ACO2: variants seen among roughly 807,000 people sequenced by gnomAD.
ACO2 encodes aconitate hydratase, mitochondrial.
ACO2 carries 31 observed loss-of-function variants against 84.5 expected under a neutral mutation model. The ratio of observed to expected loss-of-function variants is 0.37; its 90% CI spans 0.28 to 0.50. The LOEUF (loss-of-function observed/expected upper bound fraction) is 0.50, where lower values mean the gene tolerates loss of function less well. Ranked by LOEUF, ACO2 falls within the 20% of genes least tolerant of loss-of-function variation. The pLI is 0.97. For missense variants in ACO2, 685 were observed against 1,029.3 expected (o/e 0.67, Z 4.58); for synonymous variants, 414 against 412.7 (o/e 1.00, Z -0.04).
At chr22:41,499,943 T>C in intron 2 of ACO2, 81 bp downstream of exon 2, 1 of 1,553,552 alleles carries the variant, frequency 6.4e-7, no homozygotes, top group Non-Finnish European at 8.8e-7. Flanking sequence ...GGAGGTGTTT[T>C]GTGAAGGATG....
At chr22:41,483,882 G>T (rs1009613657) in intron 1 of ACO2, among the ~76,000 whole-genome samples, 2 of 152,108 alleles carry the variant, frequency 1.3e-5, no homozygotes, top group Non-Finnish European at 2.9e-5. Flanking sequence ...GAGGAGGACA[G>T]GATATTCTAA....
At chr22:41,494,702 C>T (rs1257230031) in intron 1 of ACO2, among the ~76,000 whole-genome samples, 5 of 151,596 alleles carry the variant, frequency 3.3e-5, no homozygotes, top group Non-Finnish European at 5.9e-5. Context: ...TGAGCCACTG[C>T]GCCAGGCTGT....
chr22:41,516,133 C>T (rs1156815889), intron 6 of ACO2: 5 of 675,188 alleles, frequency 7.4e-6, no homozygotes, highest in South Asian at 7.1e-5. Flanking sequence ...AGATACCTGT[C>T]GAGGCTGCCG....
chr22:41,495,778 G>A (rs535195750), intron 1 of ACO2, among the ~76,000 whole-genome samples: 3 of 151,322 alleles, frequency 2.0e-5, no homozygotes, highest in East Asian at 2.0e-4. Flanking sequence ...CCGCCACCAC[G>A]CCGTAGTAGA....
chr22:41,498,197 A>G (rs2146104459), intron 1 of ACO2, among the ~76,000 whole-genome samples: 2 of 152,286 alleles, frequency 1.3e-5, no homozygotes, highest in East Asian at 3.9e-4. Flanking sequence ...CTGTAGTCCC[A>G]GCTACCGAGG....
Position 41,527,824 on chromosome 22 carries a change from A to G in ACO2, c.2087-77A>G, listed in dbSNP as rs971442255. ...CAGCAGGATTAGGGGCATCTCCCAG[A>G]GCCCCAGATGGGTTCAGAAAATGAA... is the stretch of plus-strand genomic sequence containing the variant. On this transcript the variant is annotated intron_variant, in intron 16 of 17. Coordinates refer to ENST00000216254, the MANE Select transcript of ACO2 (RefSeq NM_001098.3). 16 of 1,605,878 alleles carry G rather than the reference A, an allele frequency of 1.0e-5. No homozygotes were observed. In the African/African-American group the frequency reaches 2.1e-4, roughly 22 times the overall value.
intron 6 of ACO2, 125 bp downstream of exon 6, chr22:41,516,042 A>T: frequency 7.6e-7 from 1 of 1,308,748 alleles, no homozygotes; most frequent in Non-Finnish European, 1.1e-6. Flanking sequence ...GGGACTTGGG[A>T]TAGACAGAGG....
intron 9 of ACO2, among the ~76,000 whole-genome samples, chr22:41,520,551 T>TG (rs1433698820): frequency 6.6e-6 from 1 of 151,066 alleles, no homozygotes; most frequent in African/African-American, 2.4e-5. Context: ...TAAAAGAAAA[T>TG]GCAAAAATTG....
intron 16 of ACO2, 180 bp from the exon 17 acceptor site, chr22:41,527,721 C>A: frequency 1.0e-6 from 1 of 1,002,534 alleles, no homozygotes; most frequent in Non-Finnish European, 1.4e-6. Context: ...TCAGCACCAG[C>A]GCACACTTGC....
Position 41,523,825 on chromosome 22 carries a change from G to A in ACO2, c.1371-5G>A. ...TCCCTAACCCTGATCCCTCTGACCTGGCAGGAAGGACATCAAGAAGGGGGA... is the reference window on the plus strand; with the variant it reads ...TCCCTAACCCTGATCCCTCTGACCTAGCAGGAAGGACATCAAGAAGGGGGA... On this transcript the variant is annotated splice_polypyrimidine_tract_variant and splice_region_variant and intron_variant, in intron 11 of 17. Transcript: ENST00000216254. The A allele has an allele frequency of 6.2e-7, 1 of 1,611,334 alleles. No individual in the cohort carries two copies. The highest frequency in any genetic ancestry group is 1.1e-5 in the South Asian group (1 of 90,980).
At chr22:41,486,167 T>G (rs2038152110) in intron 1 of ACO2, among the ~76,000 whole-genome samples, 1 of 152,216 alleles carries the variant, frequency 6.6e-6, no homozygotes, top group Non-Finnish European at 1.5e-5. Context: ...TTCCTGATCT[T>G]GGCTAGACTG....
chr22:41,517,252 G>C, intron 6 of ACO2: 1 of 435,052 alleles, frequency 2.3e-6, no homozygotes, highest in South Asian at 2.2e-5. Flanking sequence ...GCAGCTCAGT[G>C]TGTGGGGGCT....
At chr22:41,524,997 T>C in intron 13 of ACO2, 29 bp downstream of exon 13, 1 of 1,614,084 alleles carries the variant, frequency 6.2e-7, no homozygotes, top group Non-Finnish European at 8.5e-7. Context: ...TGCTTGCTGG[T>C]TGCTGTGTGG....
intron 16 of ACO2, 66 bp from the exon 17 acceptor site, chr22:41,527,835 G>A: frequency 1.2e-6 from 2 of 1,612,080 alleles, no homozygotes; most frequent in Non-Finnish European, 1.7e-6. Context: ...GCCCCAGATG[G>A]GTTCAGAAAA....
At chr22:41,527,047 T>G in intron 15 of ACO2, 1 of 592,808 alleles carries the variant, frequency 1.7e-6, no homozygotes, top group Non-Finnish European at 3.0e-6. Context: ...ATGGGTGGCT[T>G]CTGTCTTCTT....
chr22:41,477,740 C>T (rs1158589339), intron 1 of ACO2, among the ~76,000 whole-genome samples: 3 of 152,016 alleles, frequency 2.0e-5, no homozygotes, highest in South Asian at 4.1e-4. Context: ...CATCCATCAC[C>T]CCAGCCTTTA....
At chr22:41,514,393 C>G (rs762699144) in intron 4 of ACO2, among the ~76,000 whole-genome samples, 4 of 152,246 alleles carry the variant, frequency 2.6e-5, no homozygotes, top group Admixed American at 1.3e-4. Context: ...TGGACAGGAT[C>G]TCATCCAGTC....
intron 14 of ACO2, 128 bp from the exon 15 acceptor site, chr22:41,526,134 C>T (rs938529176): frequency 1.2e-5 from 9 of 761,086 alleles, no homozygotes; most frequent in South Asian, 7.1e-5. Flanking sequence ...TGTCTGAAGA[C>T]TTGCCTGCCT....
chr22:41,485,652 C>T (rs2038145330), intron 1 of ACO2, among the ~76,000 whole-genome samples: 2 of 151,884 alleles, frequency 1.3e-5, no homozygotes, highest in South Asian at 2.1e-4. Flanking sequence ...ACTGTGTTAG[C>T]CAGGATGGTC....
Sources: gnomAD v4.1 joint callset for allele counts (sites outside exome capture counted in the v4.1 genomes callset) on GRCh38, gnomAD v4.1.1 for gene constraint, MANE v1.5 for transcripts, NCBI Gene and HGNC (gene_info 2026-07-23, HGNC 2026-07-21) for gene names.